Variants in CDS2 observed in about 807,000 individuals in gnomAD.
CDS2 encodes CDP-diacylglycerol synthase 2, also known as phosphatidate cytidylyltransferase 2.
A neutral mutation model predicts 59.0 loss-of-function variants in CDS2; 47 were observed. That is an observed-to-expected ratio of 0.80 (90% CI 0.63 to 1.02). The LOEUF (loss-of-function observed/expected upper bound fraction) is 1.02. CDS2 is among the 50% of genes least tolerant of loss of function. The pLI, the probability that CDS2 is intolerant of heterozygous loss-of-function variation, is 0.00. For synonymous variants in CDS2, 207 were observed against 206.4 expected (o/e 1.00, Z -0.02); for missense variants, 356 against 558.9 (o/e 0.64, Z 3.66).
At chr20:5,151,722 G>A (rs1277720130) in intron 1 of CDS2, among the ~76,000 whole-genome samples, 2 of 143,454 alleles carry the variant, frequency 1.4e-5, no homozygotes, top group Non-Finnish European at 3.0e-5. Flanking sequence ...TTAGGCATGA[G>A]CCACCATGCC....
chr20:5,163,452 G>A (rs982052628), intron 1 of CDS2, among the ~76,000 whole-genome samples: 3 of 147,442 alleles, frequency 2.0e-5, no homozygotes, highest in Non-Finnish European at 4.5e-5. Context: ...GTAGAGACAG[G>A]GTTTCTCCCT....
intron 1 of CDS2, among the ~76,000 whole-genome samples, chr20:5,155,248 T>C (rs2036264925): frequency 6.6e-6 from 1 of 152,238 alleles, no homozygotes; most frequent in Admixed American, 6.5e-5. Flanking sequence ...TTTATGTAAC[T>C]GTAGCTCTAA....
chr20:5,139,476 C>G (rs1467582868), intron 1 of CDS2, among the ~76,000 whole-genome samples: 2 of 152,170 alleles, frequency 1.3e-5, no homozygotes, highest in Non-Finnish European at 2.9e-5. Flanking sequence ...TTCAGTTTTT[C>G]TATATGTGAG....
In CDS2 at chr20:5,195,051, G is replaced by A. The variant is rs1279708089; in HGVS notation, c.*4817G>A. The stretch of plus-strand genomic sequence containing the variant: ...TTTGGGATCAAATCACCCTAGGTGC[G>A]GGCAGGTTTCTAGGCTGCTCTAAGC... On this transcript the variant is annotated 3_prime_UTR_variant, in exon 13 of 13. Transcript: ENST00000460006. The A allele has an allele frequency of 6.6e-5, 10 of 152,236 alleles. No individual in the cohort carries two copies. The highest frequency in any genetic ancestry group is 1.3e-4 in the Admixed American group (2 of 15,294). The allele number at this position is 152,236 out of a possible 1,614,324, so 9.4% of individuals were successfully genotyped here.
chr20:5,134,670 A>C (rs1424366678), intron 1 of CDS2, among the ~76,000 whole-genome samples: 1 of 151,946 alleles, frequency 6.6e-6, no homozygotes, highest in Non-Finnish European at 1.5e-5. Flanking sequence ...ACAGGCGCCC[A>C]CCATCACACC....
chr20:5,132,637 G>A (rs1362218841), intron 1 of CDS2, among the ~76,000 whole-genome samples: 3 of 151,654 alleles, frequency 2.0e-5, no homozygotes, highest in African/African-American at 2.4e-5. Context: ...AATAATTTAG[G>A]AATTAAAAAA....
Position 5,173,559 on chromosome 20 carries a change from G to C in CDS2, c.94G>C (p.Ala32Pro), listed in dbSNP as rs922225839. The C allele has an allele frequency of 6.2e-7, 1 of 1,614,094 alleles. No individual in the cohort carries two copies. The highest frequency in any genetic ancestry group is 1.3e-5 in the African/African-American group (1 of 74,942). The change falls in exon 2 of 13, where the codon GCA (alanine) becomes CCA (proline). Residue 32 changes from alanine to proline, a missense_variant. By Grantham distance (27) the Ala-to-Pro change is conservative. Coordinates refer to ENST00000460006, the MANE Select transcript of CDS2 (RefSeq NM_003818.4). ...AGAAGCAAAGGTAGATGGAGAGACTGCATCGGACAGTGAGAGCCGGGCAGA... is the reference window on the plus strand; with the variant it reads ...AGAAGCAAAGGTAGATGGAGAGACTCCATCGGACAGTGAGAGCCGGGCAGA... ...ESEAKVDGET[A>P]SDSESRAESA...
At chr20:5,141,918 A>G (rs896511132) in intron 1 of CDS2, among the ~76,000 whole-genome samples, 6 of 152,204 alleles carry the variant, frequency 3.9e-5, no homozygotes, top group East Asian at 1.9e-4. Context: ...AGGGAAAAAA[A>G]ACGAGTTTGA....
At chr20:5,182,481 G>T in intron 6 of CDS2, 36 bp downstream of exon 6, 1 of 1,576,192 alleles carries the variant, frequency 6.3e-7, no homozygotes, top group South Asian at 1.2e-5. Context: ...CAGAATTCTT[G>T]ATTTAAATGA....
intron 2 of CDS2, among the ~76,000 whole-genome samples, chr20:5,174,720 C>CAA (rs60174280): frequency 3.4e-5 from 4 of 117,092 alleles, no homozygotes; most frequent in African/African-American, 6.5e-5. Context: ...AACTCTGTCT[C>CAA]AAAAAAAAAA....
chr20:5,140,039 C>T (rs918446803), intron 1 of CDS2, among the ~76,000 whole-genome samples: 7 of 152,128 alleles, frequency 4.6e-5, no homozygotes, highest in Admixed American at 1.3e-4. Context: ...TGACGTCAGG[C>T]GATCTGCCCA....
At chr20:5,169,148 T>C (rs1008890241) in intron 1 of CDS2, among the ~76,000 whole-genome samples, 2 of 152,182 alleles carry the variant, frequency 1.3e-5, no homozygotes, top group African/African-American at 2.4e-5. Context: ...CCTTGGGAAA[T>C]GGCTGAGGAA....
rs1002056440 is a variant in CDS2 at position 5,195,399 on chromosome 20, G to A, written c.*5165G>A. The A allele has an allele frequency of 3.9e-5, 6 of 152,246 alleles. No homozygotes were observed. The highest frequency in any genetic ancestry group is 1.2e-4 in the African/African-American group (5 of 41,390). The allele number at this position is 152,246 out of a possible 1,614,324, so 9.4% of individuals were successfully genotyped here. A position where few individuals can be genotyped will look rare whatever the true frequency, so the allele number is the denominator to read the frequency against. On this transcript the variant is annotated 3_prime_UTR_variant, in exon 13 of 13. Transcript: ENST00000460006. ...TTAGGAGGCCACCCTAACGAGGCAA[G>A]AGGACATGGGGGTGTGCAGAAGTTC...
chr20:5,154,562 G>A (rs992082398), intron 1 of CDS2, among the ~76,000 whole-genome samples: 2 of 146,846 alleles, frequency 1.4e-5, no homozygotes, highest in African/African-American at 5.0e-5. Context: ...TTCTTAATAG[G>A]ATGTAGCCTT....
At chr20:5,127,840 A>C (rs2090568499) in intron 1 of CDS2, among the ~76,000 whole-genome samples, 1 of 152,076 alleles carries the variant, frequency 6.6e-6, no homozygotes, top group Non-Finnish European at 1.5e-5. Flanking sequence ...CTTTGGGTGA[A>C]GTGAAAGATC....
In CDS2 at chr20:5,196,890, G is replaced by A. The variant is rs2091161568; in HGVS notation, c.*6656G>A. ...CTAGGAGTCAGGAGAACAAGTCAGGGATTAGGAGACAGCGGTTTGGTTTAT... is the reference window on the plus strand; with the variant it reads ...CTAGGAGTCAGGAGAACAAGTCAGGAATTAGGAGACAGCGGTTTGGTTTAT... On this transcript the variant is annotated 3_prime_UTR_variant, in exon 13 of 13. Transcript: ENST00000460006. The A allele has an allele frequency of 6.6e-6, 1 of 152,542 alleles. No individual in the cohort carries two copies. Among genetic ancestry groups the A allele is most frequent in the Non-Finnish European group, 1.5e-5 (1 of 68,116 alleles). 9.4% of individuals were successfully genotyped at this position (152,542 alleles called of 1,614,324 possible).
At chr20:5,186,921 A>C in intron 10 of CDS2, 82 bp downstream of exon 10, 1 of 1,510,724 alleles carries the variant, frequency 6.6e-7, no homozygotes, top group Non-Finnish European at 9.1e-7. Flanking sequence ...CTGCCCTCTG[A>C]AAAAAGCTAG....
Position 5,140,981 on chromosome 20 carries a change from C to T in CDS2, c.57+13832C>T, listed in dbSNP as rs71334000. 3.1e-3 allele frequency among the ~76,000 whole-genome samples: 478 copies of T among 152,178 alleles called. 3 individuals carry two copies. Among genetic ancestry groups the T allele is most frequent in the Middle Eastern group, 6.8e-3 (2 of 294 alleles). ...TTTCCTGGCTTATAATTCTGAAAGC[C>T]CTTATTAAAGTCTCTTGTTATAACT... On this transcript the variant is annotated intron_variant, in intron 1 of 12. Coordinates refer to ENST00000460006, the MANE Select transcript of CDS2 (RefSeq NM_003818.4).
intron 1 of CDS2, among the ~76,000 whole-genome samples, chr20:5,149,139 C>T (rs985918767): frequency 3.9e-5 from 6 of 152,248 alleles, no homozygotes; most frequent in African/African-American, 1.4e-4. Context: ...TGCCAATTTC[C>T]ATTTCCATGA....
Sources: gnomAD v4.1 joint callset for allele counts (sites outside exome capture counted in the v4.1 genomes callset) on GRCh38, gnomAD v4.1.1 for gene constraint, MANE v1.5 for transcripts, NCBI Gene and HGNC (gene_info 2026-07-23, HGNC 2026-07-21) for gene names.